Variants in SDK1 observed in about 807,000 individuals in gnomAD.
SDK1 encodes the protein protein sidekick-1.
SDK1 carries 157 observed loss-of-function variants against 245.5 expected under a neutral mutation model. The ratio of observed to expected loss-of-function variants is 0.64; its 90% CI spans 0.56 to 0.73. The LOEUF (loss-of-function observed/expected upper bound fraction) is 0.73, where lower values mean the gene tolerates loss of function less well. Among genes scored for constraint, SDK1 ranks in the 30% least tolerant of loss-of-function variants. The pLI is 0.00. For missense variants in SDK1, 3,583 were observed against 3,002.3 expected (o/e 1.19, Z -4.52); for synonymous variants, 1,647 against 1,278.5 (o/e 1.29, Z -6.15).
rs774720818 is a variant in SDK1, at chr7:4,237,631, C to G, written c.5993-16C>G. On this transcript the variant is annotated splice_polypyrimidine_tract_variant and intron_variant, in intron 41 of 44. Transcript: ENST00000404826. ...CGTCTGCCCCATGTCATTGTGTGTC[C>G]GTGTCTTTTCCACAGCTCAAGTGGA... 1 of 1,614,040 alleles carries G rather than the reference C, an allele frequency of 6.2e-7. No individual in the cohort carries two copies. The highest frequency in any genetic ancestry group is 8.5e-7 in the Non-Finnish European group (1 of 1,179,986).
chr7:3,429,274 C>G (rs1373947529), intron 1 of SDK1, among the ~76,000 whole-genome samples: 1 of 152,056 alleles, frequency 6.6e-6, no homozygotes, highest in Admixed American at 6.6e-5. Flanking sequence ...AATGCCAGGT[C>G]TTCTAGATTA....
chr7:3,848,690 A>C (rs1481784565), intron 5 of SDK1, among the ~76,000 whole-genome samples: 4 of 150,604 alleles, frequency 2.7e-5, no homozygotes, highest in Admixed American at 2.6e-4. Context: ...TTTTTTTCTG[A>C]GACAGTGTAT....
chr7:4,055,193 G>C (rs911428262), intron 19 of SDK1, among the ~76,000 whole-genome samples: 1 of 152,134 alleles, frequency 6.6e-6, no homozygotes, highest in African/African-American at 2.4e-5. Flanking sequence ...TTAAATGTTT[G>C]GTAGAATTTT....
At chr7:4,106,326 C>T (rs1299578108) in intron 22 of SDK1, among the ~76,000 whole-genome samples, 3 of 147,696 alleles carry the variant, frequency 2.0e-5, no homozygotes, top group Admixed American at 6.7e-5. Context: ...TTTTTTGAGA[C>T]GGAGCCTCAT....
At chr7:3,585,413 G>C (rs796328618) in intron 1 of SDK1, among the ~76,000 whole-genome samples, 13 of 152,306 alleles carry the variant, frequency 8.5e-5, no homozygotes, top group African/African-American at 3.1e-4. Context: ...GAAAGAATGA[G>C]CGTATAGGCT....
intron 34 of SDK1, among the ~76,000 whole-genome samples, chr7:4,177,236 G>A (rs530581629): frequency 3.3e-5 from 5 of 152,302 alleles, no homozygotes; most frequent in Admixed American, 2.6e-4. Flanking sequence ...GCTGGCAGGA[G>A]GCACAATTTG....
chr7:3,991,653 C>G (rs1333169748), intron 14 of SDK1, among the ~76,000 whole-genome samples: 1 of 152,176 alleles, frequency 6.6e-6, no homozygotes, highest in East Asian at 1.9e-4. Context: ...AGCTGGCCGA[C>G]GTTCCCAGCT....
chr7:4,174,164 T>C, intron 32 of SDK1, 58 bp from the exon 33 acceptor site: 2 of 1,599,560 alleles, frequency 1.3e-6, no homozygotes, highest in Non-Finnish European at 1.7e-6. Flanking sequence ...TGAGCCCTGC[T>C]GCAGGCCAGC....
intron 1 of SDK1, among the ~76,000 whole-genome samples, chr7:3,544,860 G>C (rs61489363): frequency 6.6e-6 from 1 of 152,262 alleles, no homozygotes; most frequent in African/African-American, 2.4e-5. Flanking sequence ...AGTTACCCAG[G>C]GACTCAGGCT....
chr7:3,388,663 G>A (rs1012542722), intron 1 of SDK1, among the ~76,000 whole-genome samples: 2 of 152,124 alleles, frequency 1.3e-5, no homozygotes, highest in Non-Finnish European at 2.9e-5. Flanking sequence ...TGCATTAGTG[G>A]AGATGAGATA....
At chr7:4,067,357 A>G (rs576236175) in intron 19 of SDK1, among the ~76,000 whole-genome samples, 75 of 152,256 alleles carry the variant, frequency 4.9e-4, no homozygotes, top group African/African-American at 1.7e-3. Flanking sequence ...CAGGATACCG[A>G]TTGGGTTTGG....
In SDK1 at chr7:3,984,006, G is replaced by A. The variant is rs1783621731; in HGVS notation, c.1995-3180G>A. On this transcript the variant is annotated intron_variant, in intron 13 of 44. Coordinates refer to ENST00000404826, the MANE Select transcript of SDK1 (RefSeq NM_152744.4). ...GCCTCAAGACTAGTTTGCTTTCTAA[G>A]TTTTTAAGTATTTGTTTTTAATCTT... Among the ~76,000 whole-genome samples the A allele has an allele frequency of 1.3e-5, 2 of 152,182 alleles. 1 individual carries two copies. Among genetic ancestry groups the A allele is most frequent in the Admixed American group, 1.3e-4 (2 of 15,272 alleles).
intron 1 of SDK1, among the ~76,000 whole-genome samples, chr7:3,306,635 C>T (rs533797500): frequency 6.6e-6 from 1 of 152,250 alleles, no homozygotes; most frequent in African/African-American, 2.4e-5. Flanking sequence ...GATAAAACAA[C>T]GTGGAAGGCT....
chr7:4,001,166 C>A (rs991365433), intron 14 of SDK1, among the ~76,000 whole-genome samples: 4 of 152,160 alleles, frequency 2.6e-5, no homozygotes, highest in African/African-American at 9.7e-5. Context: ...GCTCCCATAG[C>A]TTGAGCTCCA....
At chr7:4,010,737 T>C (rs1463584987) in intron 14 of SDK1, among the ~76,000 whole-genome samples, 1 of 152,132 alleles carries the variant, frequency 6.6e-6, no homozygotes, top group African/African-American at 2.4e-5. Context: ...AAAAAATCCT[T>C]TTGCTCATTG....
intron 5 of SDK1, among the ~76,000 whole-genome samples, chr7:3,889,421 A>T (rs1781406251): frequency 6.6e-6 from 1 of 152,198 alleles, no homozygotes; most frequent in Admixed American, 6.5e-5. Context: ...GAGTTCCTTC[A>T]TGGCAGCTGT....
rs773030910 is a variant in SDK1, at chr7:4,051,746, G to T, written c.2827G>T (p.Ala943Ser). ...CATAACGAACCTGAAGAAGTTTACC[G>T]CCTACTTCACTTCCGTTCTGTGCTT... ...GHITNLKKFT[A>S]YFTSVLCFTT... Residue 943 changes from alanine to serine, a missense_variant, in exon 19 of 45, where the codon GCC becomes TCC. Ala to Ser is a moderately conservative substitution (Grantham distance 99, BLOSUM62 1). Coordinates refer to ENST00000404826, the MANE Select transcript of SDK1 (RefSeq NM_152744.4). The T allele has an allele frequency of 1.1e-5, 18 of 1,613,806 alleles. No homozygotes were observed. Among genetic ancestry groups the T allele is most frequent in the Non-Finnish European group, 1.3e-5 (15 of 1,179,868 alleles).
chr7:3,321,806 T>TTC (rs1366819245), intron 1 of SDK1, among the ~76,000 whole-genome samples: 1 of 125,492 alleles, frequency 8.0e-6, no homozygotes, highest in African/African-American at 3.1e-5. Context: ...CCTTCCTTCC[T>TTC]TCCTTCCTTC....
chr7:4,106,471 T>A (rs1011287664), intron 22 of SDK1, among the ~76,000 whole-genome samples: 2 of 152,020 alleles, frequency 1.3e-5, no homozygotes, highest in Admixed American at 6.6e-5. Flanking sequence ...GCCTTTTTTG[T>A]ATTTTTAGGA....
Sources: gnomAD v4.1 joint callset for allele counts (sites outside exome capture counted in the v4.1 genomes callset) on GRCh38, gnomAD v4.1.1 for gene constraint, MANE v1.5 for transcripts, NCBI Gene and HGNC (gene_info 2026-07-23, HGNC 2026-07-21) for gene names.